PUM1: variants seen among roughly 807,000 people sequenced by gnomAD.
PUM1 encodes pumilio RNA binding family member 1.
In PUM1, 13 loss-of-function variants were observed where a neutral mutation model predicts 131.8. That is an observed-to-expected ratio of 0.10 (90% confidence interval 0.06 to 0.16). The LOEUF is 0.16. PUM1 is among the 10% of genes least tolerant of loss of function. The probability of loss-of-function intolerance (pLI) is 1.00; values close to 1 mark genes in which losing one functional copy is unlikely to be tolerated. For synonymous variants in PUM1, 509 were observed against 556.5 expected, an observed-to-expected ratio of 0.91 and a Z score of 1.20; for missense variants, 961 against 1,512.4, an observed-to-expected ratio of 0.64 and a Z score of 6.05.
intron 5 of PUM1, among the ~76,000 whole-genome samples, chr1:31,001,508 G>A (rs1642211961): frequency 6.6e-6 from 1 of 152,138 alleles, no homozygotes; most frequent in Admixed American, 6.5e-5. Flanking sequence ...TGGCACAGTT[G>A]AAAGCAATAC....
chr1:31,026,396 T>C (rs1643224462), intron 3 of PUM1, among the ~76,000 whole-genome samples: 1 of 152,216 alleles, frequency 6.6e-6, no homozygotes, highest in Non-Finnish European at 1.5e-5. Context: ...TTTTAAGGAA[T>C]ATCTCTCCTC....
intron 1 of PUM1, 137 bp from the exon 2 acceptor site, chr1:31,059,714 G>A: frequency 1.0e-6 from 1 of 995,282 alleles, no homozygotes; most frequent in South Asian, 1.7e-5. Flanking sequence ...AAGGTATTGG[G>A]ATCAGAACTC....
intron 2 of PUM1, among the ~76,000 whole-genome samples, chr1:31,050,514 T>C (rs1485984995): frequency 1.3e-5 from 2 of 152,168 alleles, no homozygotes; most frequent in Non-Finnish European, 2.9e-5. Context: ...CTGCTGATGA[T>C]TCCTTTGACC....
At chr1:31,009,725 G>A (rs6665071) in intron 3 of PUM1, among the ~76,000 whole-genome samples, 41,832 of 137,432 alleles carry the variant, frequency 0.3, 6,436 homozygotes, top group Middle Eastern at 0.36. Flanking sequence ...CCAAGATCAC[G>A]CCACTGTACT....
chr1:30,999,444 T>C (rs1377103070), intron 5 of PUM1, among the ~76,000 whole-genome samples: 3 of 151,624 alleles, frequency 2.0e-5, no homozygotes, highest in Non-Finnish European at 2.9e-5. Context: ...CCATCTCTAC[T>C]AAAACTACAA....
intron 3 of PUM1, among the ~76,000 whole-genome samples, chr1:31,021,941 A>G (rs111347242): frequency 1.3e-5 from 2 of 151,502 alleles, no homozygotes; most frequent in African/African-American, 4.9e-5. Flanking sequence ...ATCCTTGTTC[A>G]CCCCATCTAA....
chr1:31,063,367 G>A (rs1016364675), intron 1 of PUM1, among the ~76,000 whole-genome samples: 1 of 152,082 alleles, frequency 6.6e-6, no homozygotes, highest in Non-Finnish European at 1.5e-5. Context: ...AAGACTCTTA[G>A]AATTTAGTTA....
intron 2 of PUM1, among the ~76,000 whole-genome samples, chr1:31,051,333 C>T (rs1356376314): frequency 2.8e-5 from 4 of 143,908 alleles, no homozygotes; most frequent in African/African-American, 5.2e-5. Context: ...GACGGCATTT[C>T]GCTCTTGTTG....
intron 1 of PUM1, among the ~76,000 whole-genome samples, chr1:31,065,342 G>T (rs1319387618): frequency 6.6e-6 from 1 of 152,084 alleles, no homozygotes; most frequent in African/African-American, 2.4e-5. Flanking sequence ...GTAGAGGCAC[G>T]TCTACGCCCT....
intron 3 of PUM1, among the ~76,000 whole-genome samples, chr1:31,019,473 A>T (rs926317138): frequency 1.3e-5 from 2 of 152,246 alleles, no homozygotes; most frequent in African/African-American, 2.4e-5. Flanking sequence ...TTCTGCACAC[A>T]CCAAAGAATA....
intron 2 of PUM1, among the ~76,000 whole-genome samples, chr1:31,034,206 A>G (rs759750575): frequency 3.3e-5 from 5 of 152,170 alleles, no homozygotes; most frequent in Admixed American, 1.3e-4. Flanking sequence ...TCTTGTCCTG[A>G]ACTGCTCAGT....
intron 7 of PUM1, among the ~76,000 whole-genome samples, chr1:30,987,387 G>A (rs1641605735): frequency 6.6e-6 from 1 of 151,866 alleles, no homozygotes; most frequent in Non-Finnish European, 1.5e-5. Flanking sequence ...AGTAGAAAGG[G>A]GATTTCACCA....
chr1:30,952,489 C>T (rs1161499015), intron 15 of PUM1, 126 bp from the exon 16 acceptor site: 2 of 1,428,536 alleles, frequency 1.4e-6, no homozygotes, highest in African/African-American at 1.4e-5. Flanking sequence ...CACACACATG[C>T]ACACAATAAA....
intron 12 of PUM1, 121 bp downstream of exon 12, chr1:30,967,046 T>C (rs1005641766): frequency 1.7e-6 from 2 of 1,203,716 alleles, no homozygotes; most frequent in East Asian, 5.0e-5. Flanking sequence ...TTTTGAAACA[T>C]TACAGGGTAG....
Position 31,028,630 on chromosome 1 carries a change from CAT to C in PUM1, c.432+164_432+165del, listed in dbSNP as rs559951841. On this transcript the variant is annotated intron_variant, in intron 3 of 21. Coordinates refer to ENST00000426105, the MANE Select transcript of PUM1 (RefSeq NM_001020658.2). ...ATGGTTAACATTCTTCTTTTAATGA[CAT>C]AGTTTTGGCAAAATTCTCCAGCATC... The C allele has an allele frequency of 5.1e-4, 335 of 659,780 alleles. 1 individual carries two copies. In the African/African-American group the frequency reaches 5.6e-3, roughly 11 times the overall value. 40.9% of individuals were successfully genotyped at this position (659,780 alleles called of 1,614,324 possible). A position where few individuals can be genotyped will look rare whatever the true frequency, so the allele number is the denominator to read the frequency against.
chr1:31,028,107 A>G (rs114766970), intron 3 of PUM1, among the ~76,000 whole-genome samples: 3,019 of 152,300 alleles, frequency 0.02, 49 homozygotes, highest in Non-Finnish European at 0.033. Flanking sequence ...AGTTGGCTAC[A>G]TGTTAGATAT....
intron 2 of PUM1, among the ~76,000 whole-genome samples, chr1:31,032,832 G>A (rs1431562356): frequency 2.0e-5 from 3 of 152,200 alleles, no homozygotes; most frequent in East Asian, 1.9e-4. Context: ...TGGGCCAGGC[G>A]TGGTGACTCA....
chr1:30,963,743 C>T (rs1640514551), intron 14 of PUM1, among the ~76,000 whole-genome samples: 1 of 152,214 alleles, frequency 6.6e-6, no homozygotes, highest in African/African-American at 2.4e-5. Flanking sequence ...GCCACATGTG[C>T]TGATTTGCCC....
intron 5 of PUM1, among the ~76,000 whole-genome samples, chr1:30,998,049 C>A (rs1302253889): frequency 6.6e-6 from 1 of 152,138 alleles, no homozygotes; most frequent in African/African-American, 2.4e-5. Context: ...TGATGCCTAA[C>A]CAAAATGGTG....
Sources: gnomAD v4.1 joint callset for allele counts (sites outside exome capture counted in the v4.1 genomes callset) on GRCh38, gnomAD v4.1.1 for gene constraint, MANE v1.5 for transcripts, NCBI Gene and HGNC (gene_info 2026-07-23, HGNC 2026-07-21) for gene names.